The following ENOX2 variants were observed in gnomAD, a reference collection of about 807,000 sequenced individuals.
ENOX2 encodes the protein ecto-NOX disulfide-thiol exchanger 2, also known as APK1 antigen.
Under a neutral mutation model 45.0 loss-of-function variants are expected in ENOX2, and 36 were observed. The observed-to-expected ratio is 0.80, with a 90% CI of 0.61 to 1.06. The LOEUF (loss-of-function observed/expected upper bound fraction) is 1.06. Among genes scored for constraint, ENOX2 ranks in the 50% least tolerant of loss-of-function variants. The probability of loss-of-function intolerance (pLI) is 0.00; values close to 1 mark genes in which losing one functional copy is unlikely to be tolerated. For synonymous variants in ENOX2, 174 were observed against 152.3 expected, an observed-to-expected ratio of 1.14 and a Z score of -1.05; for missense variants, 423 against 462.5, an observed-to-expected ratio of 0.91 and a Z score of 0.78.
intron 6 of ENOX2, among the ~76,000 whole-genome samples, chrX:130,671,752 T>C (rs1416753771): frequency 9.0e-6 from 1 of 111,541 alleles, no homozygotes; most frequent in Non-Finnish European, 1.9e-5. Flanking sequence ...TCTGCCTTAA[T>C]AGTGGAGAAA....
At chrX:130,722,289 T>A (rs903958717) in intron 3 of ENOX2, among the ~76,000 whole-genome samples, 1 of 112,170 alleles carries the variant, frequency 8.9e-6, no homozygotes, top group Non-Finnish European at 1.9e-5. Context: ...GGGGCAGCAT[T>A]TCTCAGAGAA....
chrX:130,869,345 T>C (rs2078535601), intron 2 of ENOX2, among the ~76,000 whole-genome samples: 1 of 111,286 alleles, frequency 9.0e-6, no homozygotes, highest in Admixed American at 9.6e-5. Flanking sequence ...AATTCCAAAA[T>C]AGTTCCTAAT....
At position 130,895,785 on chromosome X, in the gene ENOX2, C is replaced by A. The variant is rs752691342; in HGVS notation, c.-183+5899G>T. Among the ~76,000 whole-genome samples, 3 of 112,085 alleles carry A rather than the reference C, an allele frequency of 2.7e-5. No individual in the cohort carries two copies. In the South Asian group the frequency reaches 1.1e-3, roughly 42 times the overall value. ...TTGCCAATGTATTTCACCATGTTTCCATCCTACAGTGTTTTATACTATGTA... is the reference window on the plus strand; with the variant it reads ...TTGCCAATGTATTTCACCATGTTTCAATCCTACAGTGTTTTATACTATGTA... On this transcript the variant is annotated intron_variant, in intron 2 of 14. Transcript: ENST00000394363.
At chrX:130,681,392 G>GT (rs1309941090) in intron 5 of ENOX2, among the ~76,000 whole-genome samples, 43 of 109,376 alleles carry the variant, frequency 3.9e-4, no homozygotes, top group East Asian at 8.6e-4. Context: ...CTGTGCATTC[G>GT]TTTTTTTTTG....
chrX:130,691,783 C>T (rs1249168497), intron 4 of ENOX2, among the ~76,000 whole-genome samples: 1 of 112,208 alleles, frequency 8.9e-6, no homozygotes, highest in Non-Finnish European at 1.9e-5. Flanking sequence ...CCACAGATTA[C>T]AGAAACATCA....
At chrX:130,841,004 T>C (rs2078006679) in intron 2 of ENOX2, among the ~76,000 whole-genome samples, 1 of 112,226 alleles carries the variant, frequency 8.9e-6, no homozygotes, top group African/African-American at 3.2e-5. Flanking sequence ...TCTGTTTCGT[T>C]TTGGCTTCTA....
At chrX:130,864,936 C>T (rs923073985) in intron 2 of ENOX2, among the ~76,000 whole-genome samples, 1 of 110,819 alleles carries the variant, frequency 9.0e-6, no homozygotes, top group African/African-American at 3.3e-5. Flanking sequence ...TGCTTGAACA[C>T]GGGAGGCAGA....
intron 2 of ENOX2, among the ~76,000 whole-genome samples, chrX:130,825,081 G>A (rs1478434305): frequency 1.8e-5 from 2 of 110,959 alleles, no homozygotes; most frequent in Non-Finnish European, 3.8e-5. Context: ...AATGCTTTTC[G>A]TAATAGTAAA....
In ENOX2 at chrX:130,631,451, T is replaced by G. The variant is rs1335856028; in HGVS notation, c.1528+17A>C. ...ACCCAGGCATTGTACGTGGCATGTG[T>G]GCATTAGCTTCCTTACCCACTAGCA... On this transcript the variant is annotated intron_variant, in intron 13 of 14. Coordinates refer to ENST00000394363, the MANE Select transcript of ENOX2 (RefSeq NM_006375.4). The G allele has an allele frequency of 1.1e-5, 10 of 947,107 alleles. No homozygotes were observed. The allele number at this position is 947,107 out of a possible 1,213,427, so 78.1% of individuals were successfully genotyped here.
intron 4 of ENOX2, among the ~76,000 whole-genome samples, chrX:130,701,938 T>C (rs1321086014): frequency 8.9e-6 from 1 of 112,275 alleles, no homozygotes; most frequent in Non-Finnish European, 1.9e-5. Context: ...TCTTTGCACC[T>C]GCCATATATA....
chrX:130,902,486 G>A (rs2079158695), intron 1 of ENOX2, among the ~76,000 whole-genome samples: 1 of 109,917 alleles, frequency 9.1e-6, no homozygotes, highest in African/African-American at 3.3e-5. Flanking sequence ...GGTGGCTGAG[G>A]GGCCAGTAAA....
At chrX:130,694,260 A>G (rs1161322249) in intron 4 of ENOX2, among the ~76,000 whole-genome samples, 2 of 112,326 alleles carry the variant, frequency 1.8e-5, no homozygotes, top group Non-Finnish European at 1.9e-5. Context: ...ACAATTTTCA[A>G]GGAATGAAAA....
At chrX:130,724,237 G>A (rs1339730404) in intron 3 of ENOX2, among the ~76,000 whole-genome samples, 1 of 112,376 alleles carries the variant, frequency 8.9e-6, no homozygotes, top group Non-Finnish European at 1.9e-5. Context: ...ATCCTCTGGT[G>A]AGCTGGTTGA....
intron 14 of ENOX2, 132 bp from the exon 15 acceptor site, chrX:130,625,577 C>T: frequency 1.6e-6 from 1 of 611,821 alleles, no homozygotes; most frequent in Non-Finnish European, 2.4e-6. Context: ...CCTCCTGCTC[C>T]TTGCGCATTT....
intron 2 of ENOX2, among the ~76,000 whole-genome samples, chrX:130,823,043 G>C (rs1205890622): frequency 8.9e-6 from 1 of 111,803 alleles, no homozygotes; most frequent in African/African-American, 3.3e-5. Flanking sequence ...CTGACGGGTA[G>C]AGTGACCATG....
chrX:130,721,541 C>T lies in ENOX2; in HGVS notation c.-38-18287G>A, dbSNP rs183207846. ...TGAGACAACTTCACTTCCCATTCTC[C>T]TCTGCTCCACAGCCACAGGTTACAG... On this transcript the variant is annotated intron_variant, in intron 3 of 14. Coordinates refer to ENST00000394363, the MANE Select transcript of ENOX2 (RefSeq NM_006375.4). Among the ~76,000 whole-genome samples the T allele has an allele frequency of 3.9e-3, 441 of 111,974 alleles. 2 individuals carry two copies. The highest frequency in any genetic ancestry group is 0.014 in the African/African-American group (417 of 30,793).
chrX:130,631,585 A>G lies in ENOX2; in HGVS notation c.1420-9T>C, dbSNP rs1388831320. The G allele has an allele frequency of 1.5e-5, 16 of 1,067,291 alleles. No homozygotes were observed. In the East Asian group the frequency reaches 2.7e-4, roughly 18 times the overall value. The allele number at this position is 1,067,291 out of a possible 1,213,427, so 88.0% of individuals were successfully genotyped here. The stretch of plus-strand genomic sequence containing the variant: ...CTAGAAGCACAGCTTTCCTGTGGAC[A>G]CAACATGCTTCTAGGTCAGTTCACT... On this transcript the variant is annotated splice_polypyrimidine_tract_variant and intron_variant, in intron 12 of 14. Coordinates refer to ENST00000394363, the MANE Select transcript of ENOX2 (RefSeq NM_006375.4).
intron 10 of ENOX2, among the ~76,000 whole-genome samples, chrX:130,645,012 T>C (rs5975213): frequency 0.33 from 36,145 of 110,313 alleles, 5,852 homozygotes; most frequent in African/African-American, 0.64. Flanking sequence ...TGTGCTTTTA[T>C]AGGGACAGAG....
At chrX:130,852,897 T>A (rs932696960) in intron 2 of ENOX2, among the ~76,000 whole-genome samples, 1 of 110,837 alleles carries the variant, frequency 9.0e-6, no homozygotes, top group African/African-American at 3.3e-5. Flanking sequence ...ACAAAAAAAA[T>A]ATATCTGAGT....
Sources: allele counts gnomAD v4.1 joint callset (sites outside exome capture counted in the v4.1 genomes callset), GRCh38; gene constraint gnomAD v4.1.1; transcripts MANE v1.5; gene names NCBI Gene and HGNC (gene_info 2026-07-23, HGNC 2026-07-21).